Variants in CDKAL1 observed in about 807,000 individuals in gnomAD.
The protein encoded by CDKAL1 is CDKAL1 threonylcarbamoyladenosine tRNA methylthiotransferase.
CDKAL1 carries 32 observed loss-of-function variants against 68.2 expected under a neutral mutation model. The ratio of observed to expected loss-of-function variants is 0.47; its 90% CI spans 0.35 to 0.63. CDKAL1 has a LOEUF of 0.63. CDKAL1 is among the 30% of genes least tolerant of loss of function. CDKAL1 has a pLI of 0.00. For synonymous variants in CDKAL1, 234 were observed against 244.3 expected, an observed-to-expected ratio of 0.96 and a Z score of 0.39; for missense variants, 606 against 696.7, an observed-to-expected ratio of 0.87 and a Z score of 1.47.
intron 8 of CDKAL1, among the ~76,000 whole-genome samples, chr6:20,792,022 A>G (rs1285824728): frequency 6.6e-6 from 1 of 152,124 alleles, no homozygotes; most frequent in Non-Finnish European, 1.5e-5. Flanking sequence ...CCCAACTTTA[A>G]TTAAGTATAA....
chr6:20,637,478 G>A (rs1047001826), intron 4 of CDKAL1, among the ~76,000 whole-genome samples: 1 of 152,108 alleles, frequency 6.6e-6, no homozygotes, highest in East Asian at 1.9e-4. Context: ...CAGGAGAATC[G>A]CTTGAACCTG....
chr6:21,018,725 GTTA>G (rs1230289526), intron 11 of CDKAL1, among the ~76,000 whole-genome samples: 1 of 151,958 alleles, frequency 6.6e-6, no homozygotes, highest in East Asian at 1.9e-4. Context: ...AAGTTTTTAT[GTTA>G]TTATTTGTTT....
intron 9 of CDKAL1, among the ~76,000 whole-genome samples, chr6:20,897,258 GA>G (rs1305576504): frequency 6.6e-6 from 1 of 152,176 alleles, no homozygotes; most frequent in African/African-American, 2.4e-5. Flanking sequence ...TTCACTTGTA[GA>G]CATTTGTTCA....
Position 21,152,500 on chromosome 6 carries a change from T to C in CDKAL1, c.1299+44037T>C, listed in dbSNP as rs186719332. ...CCGATTCAACCAGCAACTTGTCATA[T>C]GACCCCCACAAACATTCACTCAGCG... On this transcript the variant is annotated intron_variant, in intron 13 of 15. Coordinates refer to ENST00000274695, the MANE Select transcript of CDKAL1 (RefSeq NM_017774.3). 3.9e-4 allele frequency among the ~76,000 whole-genome samples: 59 copies of C among 152,356 alleles called. 2 individuals are homozygous for C. The highest frequency in any genetic ancestry group is 2.7e-3 in the Admixed American group (42 of 15,298).
intron 13 of CDKAL1, among the ~76,000 whole-genome samples, chr6:21,139,820 CT>C (rs1377922254): frequency 1.3e-5 from 2 of 152,148 alleles, no homozygotes; most frequent in Non-Finnish European, 2.9e-5. Context: ...CTGTGCCTTT[CT>C]TTAAAGTCTT....
intron 9 of CDKAL1, among the ~76,000 whole-genome samples, chr6:20,921,401 T>C (rs1762950634): frequency 6.6e-6 from 1 of 152,196 alleles, no homozygotes; most frequent in Non-Finnish European, 1.5e-5. Context: ...CACTCCACCC[T>C]GGGAGGCTGA....
chr6:21,050,436 G>A (rs149825339), intron 11 of CDKAL1, among the ~76,000 whole-genome samples: 2 of 152,290 alleles, frequency 1.3e-5, no homozygotes, highest in African/African-American at 4.8e-5. Flanking sequence ...AGGATACACT[G>A]GACATTGAAG....
At chr6:21,077,528 C>T (rs1772137183) in intron 12 of CDKAL1, among the ~76,000 whole-genome samples, 1 of 152,222 alleles carries the variant, frequency 6.6e-6, no homozygotes, top group South Asian at 2.1e-4. Flanking sequence ...TTACAGGCTT[C>T]TGCTTTTGGG....
intron 9 of CDKAL1, among the ~76,000 whole-genome samples, chr6:20,949,965 T>C (rs1018815195): frequency 7.9e-5 from 12 of 152,080 alleles, no homozygotes; most frequent in African/African-American, 2.9e-4. Flanking sequence ...AATTTTTGTA[T>C]TTTTAGTAGA....
At chr6:20,954,888 T>C (rs1764705378) in intron 9 of CDKAL1, among the ~76,000 whole-genome samples, 1 of 152,246 alleles carries the variant, frequency 6.6e-6, no homozygotes, top group African/African-American at 2.4e-5. Flanking sequence ...AAATGAATAC[T>C]ATTTTTAATT....
chr6:20,833,693 C>G (rs1170842360), intron 8 of CDKAL1, among the ~76,000 whole-genome samples: 3 of 152,144 alleles, frequency 2.0e-5, no homozygotes, highest in Non-Finnish European at 4.4e-5. Context: ...GAATGGTAAA[C>G]ACCCCCTGTA....
intron 11 of CDKAL1, among the ~76,000 whole-genome samples, chr6:21,051,280 A>G (rs1770522506): frequency 1.3e-5 from 2 of 152,210 alleles, no homozygotes; most frequent in Non-Finnish European, 2.9e-5. Context: ...AGGCTGAGGC[A>G]GGAGGATCAT....
At chr6:20,668,652 T>G (rs551865958) in intron 5 of CDKAL1, among the ~76,000 whole-genome samples, 2 of 152,224 alleles carry the variant, frequency 1.3e-5, no homozygotes, top group Non-Finnish European at 2.9e-5. Context: ...CCTTTAATGT[T>G]TAAATATTTT....
intron 15 of CDKAL1, among the ~76,000 whole-genome samples, chr6:21,224,680 C>T: frequency 6.6e-6 from 1 of 152,170 alleles, no homozygotes; most frequent in East Asian, 1.9e-4. Context: ...TGCCTCCCAG[C>T]CAACACCTTG....
intron 11 of CDKAL1, among the ~76,000 whole-genome samples, chr6:21,042,603 A>G (rs1243186265): frequency 2.0e-5 from 3 of 152,016 alleles, no homozygotes; most frequent in East Asian, 3.8e-4. Context: ...ACCATTTCCA[A>G]TGATTACACC....
chr6:21,131,415 G>A (rs568345151), intron 13 of CDKAL1, among the ~76,000 whole-genome samples: 1 of 152,304 alleles, frequency 6.6e-6, no homozygotes, highest in South Asian at 2.1e-4. Context: ...TTCTGTATCA[G>A]TTTAATTTCA....
intron 13 of CDKAL1, among the ~76,000 whole-genome samples, chr6:21,178,849 G>A (rs1341058444): frequency 6.6e-6 from 1 of 152,246 alleles, no homozygotes; most frequent in Non-Finnish European, 1.5e-5. Flanking sequence ...AGGGCTTGAA[G>A]CCGAACTCCA....
At chr6:20,680,207 C>G (rs1770312922) in intron 5 of CDKAL1, among the ~76,000 whole-genome samples, 1 of 152,100 alleles carries the variant, frequency 6.6e-6, no homozygotes, top group South Asian at 2.1e-4. Context: ...GCTAGGATTA[C>G]AGGTGCCCAC....
intron 5 of CDKAL1, among the ~76,000 whole-genome samples, chr6:20,738,218 C>T (rs1024142216): frequency 1.3e-5 from 2 of 152,130 alleles, no homozygotes; most frequent in African/African-American, 4.8e-5. Flanking sequence ...TCAAAACACA[C>T]TCCAATACCC....
Sources: allele counts gnomAD v4.1 joint callset (sites outside exome capture counted in the v4.1 genomes callset), GRCh38; gene constraint gnomAD v4.1.1; transcripts MANE v1.5; gene names NCBI Gene and HGNC (gene_info 2026-07-23, HGNC 2026-07-21).